The following LRBA variants were observed in gnomAD, a reference collection of about 807,000 sequenced individuals.
LRBA encodes the protein lipopolysaccharide-responsive and beige-like anchor protein.
Under a neutral mutation model 330.0 loss-of-function variants are expected in LRBA, and 176 were observed. That is an observed-to-expected ratio of 0.53 (90% CI 0.47 to 0.60). The LOEUF is 0.60. Among genes scored for constraint, LRBA ranks in the 20% least tolerant of loss-of-function variants. The pLI, the probability that LRBA is intolerant of heterozygous loss-of-function variation, is 0.00. For missense variants in LRBA, 3,259 were observed against 3,444.8 expected, an observed-to-expected ratio of 0.95 and a Z score of 1.35; for synonymous variants, 1,230 against 1,193.0, an observed-to-expected ratio of 1.03 and a Z score of -0.64.
At chr4:150,567,661 A>G (rs1214667966) in intron 40 of LRBA, among the ~76,000 whole-genome samples, 2 of 152,186 alleles carry the variant, frequency 1.3e-5, no homozygotes. Flanking sequence ...TGGTTGGCAC[A>G]GAATAAGAGT....
chr4:150,862,902 C>A (rs1752138860), intron 22 of LRBA, among the ~76,000 whole-genome samples: 1 of 151,912 alleles, frequency 6.6e-6, no homozygotes, highest in Admixed American at 6.6e-5. Flanking sequence ...TCGCTTGAAC[C>A]CAGGAGGTGG....
chr4:150,320,774 T>A (rs1218664812), intron 50 of LRBA, among the ~76,000 whole-genome samples: 2 of 152,052 alleles, frequency 1.3e-5, no homozygotes, highest in Admixed American at 6.6e-5. Flanking sequence ...ACCACTGCAC[T>A]CCAGCCTGAG....
chr4:150,499,751 T>C lies in LRBA; in HGVS notation c.6331-8716A>G, dbSNP rs77793463. ...GTCACCACTAATAAAAAACTAACTTTAAATATATTGGAATATTTCACAATA... is the reference window on the plus strand; with the variant it reads ...GTCACCACTAATAAAAAACTAACTTCAAATATATTGGAATATTTCACAATA... On this transcript the variant is annotated intron_variant, in intron 40 of 56. Transcript: ENST00000651943. 7.9e-4 allele frequency among the ~76,000 whole-genome samples: 121 copies of C among 152,244 alleles called. 2 individuals are homozygous for C. Among genetic ancestry groups the C allele is most frequent in the African/African-American group, 2.9e-3 (119 of 41,540 alleles).
At chr4:150,575,863 C>G (rs2152290234) in intron 40 of LRBA, among the ~76,000 whole-genome samples, 1 of 151,864 alleles carries the variant, frequency 6.6e-6, no homozygotes, top group African/African-American at 2.4e-5. Flanking sequence ...GATATCACAC[C>G]TTGAAACCAT....
At chr4:150,701,012 G>C (rs1336835882) in intron 36 of LRBA, among the ~76,000 whole-genome samples, 1 of 152,012 alleles carries the variant, frequency 6.6e-6, no homozygotes, top group Admixed American at 6.5e-5. Flanking sequence ...CTCCCACCTT[G>C]ACCAAAGTGC....
chr4:150,299,196 C>A (rs756487719), intron 53 of LRBA, among the ~76,000 whole-genome samples: 2 of 151,920 alleles, frequency 1.3e-5, no homozygotes, highest in African/African-American at 2.4e-5. Context: ...AGTACTAGGA[C>A]AAGGAGAGAG....
chr4:150,910,338 T>C (rs551563517), intron 9 of LRBA, among the ~76,000 whole-genome samples: 1 of 152,172 alleles, frequency 6.6e-6, no homozygotes, highest in East Asian at 1.9e-4. Context: ...TTATATACAA[T>C]GTACAATATG....
rs963462601 is a variant in LRBA, at chr4:150,919,530, T to C, written c.645+1668A>G. Among the ~76,000 whole-genome samples the C allele has an allele frequency of 5.9e-5, 9 of 152,088 alleles. No homozygotes were observed. In the East Asian group the frequency reaches 9.6e-4, roughly 16 times the overall value. On this transcript the variant is annotated intron_variant, in intron 5 of 56. Coordinates refer to ENST00000651943, the MANE Select transcript of LRBA (RefSeq NM_001364905.1). ...TAGAGCCAAACTTCAGTAATAACAC[T>C]ATTGAGACTTCAAGAGTGAACGTTG...
Position 150,812,038 on chromosome 4 carries a change from A to G in LRBA, c.5306-3640T>C, listed in dbSNP as rs562747692. On this transcript the variant is annotated intron_variant, in intron 31 of 56. Transcript: ENST00000651943. The stretch of plus-strand genomic sequence containing the variant: ...CACGGATAATAAATTAACCAGCAAT[A>G]GTTATAAGAAAAAAATCACATGAAA... Among the ~76,000 whole-genome samples, 3 of 152,306 alleles carry G rather than the reference A, an allele frequency of 2.0e-5. No individual in the cohort carries two copies. The South Asian group carries it at 6.2e-4, about 32-fold the overall frequency.
At chr4:150,737,962 A>G (rs1248884850) in intron 35 of LRBA, among the ~76,000 whole-genome samples, 1 of 149,028 alleles carries the variant, frequency 6.7e-6, no homozygotes, top group East Asian at 2.0e-4. Context: ...CCCCCTCCTC[A>G]AGTCACATTT....
Position 150,970,565 on chromosome 4 carries a change from AC to A in LRBA, c.217-41501del, listed in dbSNP as rs1561074353. The A allele has an allele frequency of 1.6e-3, 224 of 138,340 alleles. 4 individuals carry two copies. The highest frequency in any genetic ancestry group is 5.7e-3 in the African/African-American group (217 of 37,744). The allele number at this position is 138,340 out of a possible 1,614,324, so 8.6% of individuals were successfully genotyped here. On this transcript the variant is annotated intron_variant, in intron 2 of 56. Coordinates refer to ENST00000651943, the MANE Select transcript of LRBA (RefSeq NM_001364905.1). ...TGTGTGTGTGTGTGTGTACACACAC[AC>A]ACACACACACACACACACACAAAAG...
chr4:150,949,816 T>A (rs1736638591), intron 2 of LRBA, among the ~76,000 whole-genome samples: 1 of 152,010 alleles, frequency 6.6e-6, no homozygotes, highest in African/African-American at 2.4e-5. Flanking sequence ...AATCCCAGCT[T>A]CTTTACTTAT....
At chr4:150,735,556 A>G (rs1731074885) in intron 35 of LRBA, among the ~76,000 whole-genome samples, 190 bp from the exon 36 acceptor site, 1 of 152,218 alleles carries the variant, frequency 6.6e-6, no homozygotes, top group Non-Finnish European at 1.5e-5. Flanking sequence ...TTCTGGCAAT[A>G]GCAGATTAGC....
At chr4:150,998,353 CAAA>C (rs529906804) in intron 2 of LRBA, among the ~76,000 whole-genome samples, 7 of 85,122 alleles carry the variant, frequency 8.2e-5, no homozygotes, top group Admixed American at 1.3e-4. Flanking sequence ...AACTCCGTCT[CAAA>C]AAAAAAAAAA....
chr4:150,489,469 ATATT>A (rs1280121148), intron 41 of LRBA, among the ~76,000 whole-genome samples: 1,128 of 47,490 alleles, frequency 0.024, 313 homozygotes, highest in Non-Finnish European at 0.041. Flanking sequence ...AATATAAAAT[ATATT>A]ATATATAAGA....
chr4:150,496,503 A>C (rs1370706515), intron 40 of LRBA, among the ~76,000 whole-genome samples: 1 of 152,050 alleles, frequency 6.6e-6, no homozygotes, highest in Non-Finnish European at 1.5e-5. Flanking sequence ...AAAAAAAACT[A>C]TCCTTGATAC....
intron 40 of LRBA, among the ~76,000 whole-genome samples, chr4:150,576,566 T>C (rs1770576023): frequency 6.6e-6 from 1 of 151,918 alleles, no homozygotes; most frequent in Middle Eastern, 3.2e-3. Flanking sequence ...TTTGGTGACA[T>C]CAAATTATGT....
intron 35 of LRBA, among the ~76,000 whole-genome samples, chr4:150,748,113 AT>A (rs899444149): frequency 3.9e-5 from 6 of 152,126 alleles, no homozygotes; most frequent in Admixed American, 3.9e-4. Context: ...TGATTTTGTC[AT>A]TTCCTCACCT....
intron 55 of LRBA, among the ~76,000 whole-genome samples, chr4:150,280,234 G>A (rs931865335): frequency 3.9e-5 from 6 of 152,146 alleles, no homozygotes; most frequent in Admixed American, 2.6e-4. Context: ...GGCCGCCTCC[G>A]CATCCAGGTT....
Sources: gnomAD v4.1 joint callset for allele counts (sites outside exome capture counted in the v4.1 genomes callset) on GRCh38, gnomAD v4.1.1 for gene constraint, MANE v1.5 for transcripts, NCBI Gene and HGNC (gene_info 2026-07-23, HGNC 2026-07-21) for gene names.